KCNN1: variants seen among roughly 807,000 people sequenced by gnomAD.
KCNN1 encodes the protein potassium calcium-activated channel subfamily N member 1, also known as small conductance calcium-activated potassium channel protein 1.
A neutral mutation model predicts 44.7 loss-of-function variants in KCNN1; 20 were observed. The observed-to-expected ratio is 0.45, with a 90% confidence interval of 0.32 to 0.65. The LOEUF (loss-of-function observed/expected upper bound fraction) is 0.65, where lower values mean the gene tolerates loss of function less well. Among genes scored for constraint, KCNN1 ranks in the 30% least tolerant of loss-of-function variants. KCNN1 has a pLI of 0.05. For synonymous variants in KCNN1, 324 were observed against 341.7 expected (o/e 0.95, Z 0.57); for missense variants, 632 against 785.3 (o/e 0.80, Z 2.33).
At chr19:17,994,955 G>A (rs1428144344) in intron 9 of KCNN1, among the ~76,000 whole-genome samples, 2 of 152,204 alleles carry the variant, frequency 1.3e-5, no homozygotes, top group African/African-American at 2.4e-5. Flanking sequence ...TCTGACCAAT[G>A]ACATAGTTTC....
At chr19:17,955,589 A>G in intron 2 of KCNN1, among the ~76,000 whole-genome samples, 1 of 149,544 alleles carries the variant, frequency 6.7e-6, no homozygotes, top group Middle Eastern at 3.5e-3. Context: ...AGAAAGAAAG[A>G]AAAAAAATAA....
chr19:17,996,185 AT>A (rs1418841127), intron 9 of KCNN1, among the ~76,000 whole-genome samples: 1,663 of 149,130 alleles, frequency 0.011, 43 homozygotes, highest in African/African-American at 0.04. Context: ...AAAAAAAAAA[AT>A]AGAAAAATTA....
intron 3 of KCNN1, among the ~76,000 whole-genome samples, chr19:17,981,141 C>A (rs1488541503): frequency 1.3e-5 from 2 of 151,764 alleles, no homozygotes; most frequent in Non-Finnish European, 2.9e-5. Flanking sequence ...TGCTTGAACC[C>A]GGGAGGCAGA....
At chr19:17,995,666 G>A (rs2032962465) in intron 9 of KCNN1, among the ~76,000 whole-genome samples, 1 of 152,076 alleles carries the variant, frequency 6.6e-6, no homozygotes, top group African/African-American at 2.4e-5. Flanking sequence ...GCTCACTGCA[G>A]CCTCCATCTC....
intron 4 of KCNN1, among the ~76,000 whole-genome samples, chr19:17,984,442 A>C (rs10153461): frequency 0.37 from 56,791 of 151,798 alleles, 10,936 homozygotes; most frequent in East Asian, 0.53. Flanking sequence ...GACCTTGAAC[A>C]CCCCAGAGGC....
chr19:17,994,217 G>A (rs989798495), intron 9 of KCNN1, among the ~76,000 whole-genome samples: 1 of 152,170 alleles, frequency 6.6e-6, no homozygotes, highest in Admixed American at 6.6e-5. Flanking sequence ...GGCTGAGGCA[G>A]GCAGATCACT....
intron 1 of KCNN1, among the ~76,000 whole-genome samples, chr19:17,970,713 A>C (rs951342903): frequency 5.3e-5 from 8 of 151,810 alleles, no homozygotes; most frequent in African/African-American, 1.7e-4. Flanking sequence ...GGCATGAGCT[A>C]CCGCGCCCGG....
At position 17,991,092 on chromosome 19, in the gene KCNN1, A is replaced by AACTTAACTGGGTGTGGTGGTGTGG. The variant is rs1346801802; in HGVS notation, c.1298+1249_1298+1250insACTTAACTGGGTGTGGTGGTGTGG. 2.5e-3 allele frequency among the ~76,000 whole-genome samples: 373 copies of AACTTAACTGGGTGTGGTGGTGTGG among 151,980 alleles called. 2 individuals are homozygous for AACTTAACTGGGTGTGGTGGTGTGG. The highest frequency in any genetic ancestry group is 8.5e-3 in the African/African-American group (351 of 41,420). ...CACTTTGGGAGGCCAAGGAGGGAAG[A>AACTTAACTGGGTGTGGTGGTGTGG]CTGATTGAGGCCAAGATTTGGAAAC... On this transcript the variant is annotated intron_variant, in intron 7 of 9. Transcript: ENST00000684775.
chr19:17,982,437 C>A, intron 4 of KCNN1: 1 of 533,308 alleles, frequency 1.9e-6, no homozygotes, highest in Non-Finnish European at 2.4e-6. Context: ...CCCTGGGAGG[C>A]TGACTCCCGA....
At chr19:17,968,570 C>T (rs893645445) in intron 1 of KCNN1, among the ~76,000 whole-genome samples, 2 of 152,028 alleles carry the variant, frequency 1.3e-5, no homozygotes, top group African/African-American at 4.8e-5. Context: ...GCTGGAGGGC[C>T]CTGGGGGCCT....
intron 6 of KCNN1, 50 bp from the exon 7 acceptor site, chr19:17,989,665 CT>C: frequency 6.2e-7 from 1 of 1,611,666 alleles, no homozygotes; most frequent in Admixed American, 1.7e-5. Context: ...TTTCTGGAGC[CT>C]TTTGGAATTT....
chr19:17,998,628 A>C lies in KCNN1; in HGVS notation c.*222A>C. ...CTTCCTCTGGTCACCTGGTCCCCCG[A>C]CTCTCCCCAGGCCCCCGGTGGGCAT... On this transcript the variant is annotated 3_prime_UTR_variant, in exon 10 of 10. Transcript: ENST00000684775. The surrounding 1 kb of genome is among the most constrained non-coding windows in gnomAD (Gnocchi z 5.4). The C allele has an allele frequency of 6.4e-6, 3 of 465,752 alleles. No individual in the cohort carries two copies. The highest frequency in any genetic ancestry group is 1.1e-5 in the Non-Finnish European group (3 of 270,070). 28.9% of individuals were successfully genotyped at this position (465,752 alleles called of 1,614,324 possible). A position where few individuals can be genotyped will look rare whatever the true frequency, so the allele number is the denominator to read the frequency against.
chr19:17,954,447 ACT>A (rs2031492325), intron 1 of KCNN1: 1 of 151,034 alleles, frequency 6.6e-6, no homozygotes, highest in Admixed American at 6.6e-5. Flanking sequence ...ACAGAGCAAG[ACT>A]CTGTCTCAAA....
At position 17,985,426 on chromosome 19, in the gene KCNN1, G is replaced by A; in HGVS notation, c.1032G>A (p.Lys344=). 1.2e-6 allele frequency: 2 copies of A among 1,606,264 alleles called. No individual in the cohort carries two copies. Among genetic ancestry groups the A allele is most frequent in the Non-Finnish European group, 1.7e-6 (2 of 1,174,720 alleles). The part of the protein sequence containing the change: ...GDMVPHTYCG[K]GVCLLTGIMG... ...TGGTGCCCCACACCTACTGCGGGAAGGGTGTGTGCCTGCTCACTGGCATCA... is the reference window on the plus strand; with the variant it reads ...TGGTGCCCCACACCTACTGCGGGAAAGGTGTGTGCCTGCTCACTGGCATCA... The change falls in exon 5 of 10, where the codon AAG becomes AAA. Residue 344 remains lysine (K), a synonymous_variant. Transcript: ENST00000684775.
intron 1 of KCNN1, among the ~76,000 whole-genome samples, chr19:17,951,923 C>T (rs528902996): frequency 1.3e-5 from 2 of 152,358 alleles, no homozygotes; most frequent in African/African-American, 2.4e-5. Flanking sequence ...CCAGGGGCTT[C>T]CGCTCTCCGG....
In KCNN1 at chr19:17,999,815, T is replaced by G. The variant is rs2033124255; in HGVS notation, c.*1409T>G. 1 of 359,664 alleles carries G rather than the reference T, an allele frequency of 2.8e-6. No individual in the cohort carries two copies. The highest frequency in any genetic ancestry group is 3.3e-5 in the Admixed American group (1 of 29,950). The allele number at this position is 359,664 out of a possible 1,614,324, so 22.3% of individuals were successfully genotyped here. ...CTGATAAGGCCATCCATCGCCTGGC[T>G]CAACGAGATAACTAGGCCGTGGCTG... On this transcript the variant is annotated 3_prime_UTR_variant, in exon 10 of 10. Transcript: ENST00000684775.
At chr19:17,982,591 C>T (rs943204784) in intron 4 of KCNN1, 91 of 985,242 alleles carry the variant, frequency 9.2e-5, no homozygotes, top group Non-Finnish European at 1.1e-4. Context: ...GTCCCACCCT[C>T]CGCTGAGCTG....
At chr19:17,980,130 C>T (rs2032350325) in intron 3 of KCNN1, among the ~76,000 whole-genome samples, 1 of 148,028 alleles carries the variant, frequency 6.8e-6, no homozygotes, top group Non-Finnish European at 1.5e-5. Flanking sequence ...GTGGCGCAAT[C>T]TTGGCTCACT....
intron 4 of KCNN1, among the ~76,000 whole-genome samples, chr19:17,984,259 C>G (rs759823333): frequency 6.6e-6 from 1 of 152,074 alleles, no homozygotes; most frequent in African/African-American, 2.4e-5. Context: ...TCGACTTCCG[C>G]GGGAGTGAAG....
Sources: allele counts gnomAD v4.1 joint callset (sites outside exome capture counted in the v4.1 genomes callset), GRCh38; gene constraint gnomAD v4.1.1; non-coding constraint Gnocchi (gnomAD v3.1); transcripts MANE v1.5; gene names NCBI Gene and HGNC (gene_info 2026-07-23, HGNC 2026-07-21).